MAG: variants seen among roughly 807,000 people sequenced by gnomAD.
MAG encodes myelin associated glycoprotein.
Under a neutral mutation model 60.7 loss-of-function variants are expected in MAG, and 30 were observed. That is an observed-to-expected ratio of 0.49 (90% CI 0.37 to 0.67). The LOEUF (loss-of-function observed/expected upper bound fraction) is 0.67, where lower values mean the gene tolerates loss of function less well. Among genes scored for constraint, MAG ranks in the 30% least tolerant of loss-of-function variants. The probability of loss-of-function intolerance (pLI) is 0.00; values close to 1 mark genes in which losing one functional copy is unlikely to be tolerated. For missense variants in MAG, 795 were observed against 851.7 expected (o/e 0.93, Z 0.83); for synonymous variants, 384 against 376.8 (o/e 1.02, Z -0.22).
intron 5 of MAG, 34 bp from the exon 6 acceptor site, chr19:35,300,113 C>G (rs750625239): frequency 1.3e-6 from 2 of 1,505,846 alleles, no homozygotes; most frequent in Non-Finnish European, 1.8e-6. Context: ...TCCCCAGCAC[C>G]TGCTCACTAA....
chr19:35,307,011 G>T (rs1396417199), intron 7 of MAG, among the ~76,000 whole-genome samples: 1 of 152,248 alleles, frequency 6.6e-6, no homozygotes, highest in African/African-American at 2.4e-5. Context: ...TGTCTGAAAA[G>T]ATACTAAGCA....
At chr19:35,303,506 G>C (rs879523345) in intron 7 of MAG, among the ~76,000 whole-genome samples, 7 of 152,160 alleles carry the variant, frequency 4.6e-5, no homozygotes, top group Non-Finnish European at 1.0e-4. Context: ...TTTGAGGTTT[G>C]AATCCAGGCA....
intron 7 of MAG, among the ~76,000 whole-genome samples, chr19:35,303,358 A>G (rs2066462720): frequency 6.6e-6 from 1 of 152,186 alleles, no homozygotes; most frequent in African/African-American, 2.4e-5. Context: ...AGCGCTGTAC[A>G]GCAACCCACT....
chr19:35,295,343 T>A lies in MAG; in HGVS notation c.-23-43T>A. 6.3e-7 allele frequency: 1 copy of A among 1,578,042 alleles called. No homozygotes were observed. Among genetic ancestry groups the A allele is most frequent in the South Asian group, 1.1e-5 (1 of 89,802 alleles). On this transcript the variant is annotated intron_variant, in intron 2 of 10. Coordinates refer to ENST00000392213, the MANE Select transcript of MAG (RefSeq NM_002361.4). The surrounding 1 kb of genome is among the most constrained non-coding windows in gnomAD (Gnocchi z 5.8). ...CCTGAAGCCCAGATGGAACACCCCC[T>A]TTCACTTCCCCCAGCCTTTAACCCT...
At position 35,300,398 on chromosome 19, in the gene MAG, G is replaced by A; in HGVS notation, c.964G>A (p.Val322Ile). ...GQDNRTVGLS[V>I]MYAPWKPTVN... ...GGACAACCGCACCGTGGGGCTCAGT[G>A]TCATGTGTGAGTGGCCCACTCTGTG... The change falls in exon 6 of 11, where the codon GTC (valine) becomes ATC (isoleucine). Residue 322 changes from valine to isoleucine, a missense_variant. Transcript: ENST00000392213. 1 of 1,568,514 alleles carries A rather than the reference G, an allele frequency of 6.4e-7. No homozygotes were observed. The highest frequency in any genetic ancestry group is 1.3e-5 in the African/African-American group (1 of 74,592).
At chr19:35,294,183 T>G (rs1730680355) in intron 1 of MAG, 52 bp from the exon 2 acceptor site, 1 of 389,334 alleles carries the variant, frequency 2.6e-6, no homozygotes, top group African/African-American at 2.2e-5. Context: ...GGGGGTGGGT[T>G]GGGTGCCTCA....
intron 9 of MAG, among the ~76,000 whole-genome samples, chr19:35,311,633 G>T (rs556237161): frequency 1.4e-4 from 22 of 152,212 alleles, no homozygotes; most frequent in Non-Finnish European, 2.9e-4. Context: ...GGCAAGAGGG[G>T]CAGAAAGACC....
chr19:35,310,270 C>T, intron 8 of MAG, 109 bp downstream of exon 8: 2 of 1,356,212 alleles, frequency 1.5e-6, no homozygotes, highest in Admixed American at 2.7e-5. Flanking sequence ...TGCAGATTGA[C>T]AGAAAGGTCA....
At chr19:35,296,091 T>G in intron 4 of MAG, 110 bp downstream of exon 4, 2 of 1,429,818 alleles carry the variant, frequency 1.4e-6, no homozygotes, top group Non-Finnish European at 1.9e-6. Flanking sequence ...ATGGCAGATC[T>G]GGGAGGTGCT....
At chr19:35,311,578 A>G (rs1429488532) in intron 9 of MAG, among the ~76,000 whole-genome samples, 1 of 152,188 alleles carries the variant, frequency 6.6e-6, no homozygotes, top group Admixed American at 6.5e-5. Context: ...CACACACATC[A>G]GCTGTCCTGA....
chr19:35,300,007 G>A, intron 5 of MAG, 140 bp from the exon 6 acceptor site: 1 of 1,259,676 alleles, frequency 7.9e-7, no homozygotes, highest in South Asian at 1.8e-5. Context: ...GTGGGACGGG[G>A]GCGGAACCAG....
chr19:35,312,639 CA>C, intron 10 of MAG: 2 of 482,326 alleles, frequency 4.1e-6, no homozygotes, highest in Non-Finnish European at 7.4e-6. Flanking sequence ...GGGCACGTAC[CA>C]AACCAGGTAT....
At chr19:35,309,695 A>T (rs2066510983) in intron 7 of MAG, 179 bp from the exon 8 acceptor site, 1 of 676,392 alleles carries the variant, frequency 1.5e-6, no homozygotes, top group Non-Finnish European at 2.5e-6. Flanking sequence ...GCGGGGTCGT[A>T]GTGAGGTCAA....
In MAG at chr19:35,293,275, C is replaced by CTA; in HGVS notation, c.-79-959_-79-958insAT. ...TTGTTAGCCTGGCATGCATGCTGGG[C>CTA]TGTGTGTGTGTGTGTGTGTGTGTGC... On this transcript the variant is annotated intron_variant, in intron 1 of 10. Transcript: ENST00000392213. This position sits in a 1 kb window ranked among gnomAD's most constrained non-coding sequence, Gnocchi z 4.0. 6.7e-6 allele frequency among the ~76,000 whole-genome samples: 1 copy of CTA among 149,124 alleles called. No individual in the cohort carries two copies. The highest frequency in any genetic ancestry group is 2.2e-4 in the South Asian group (1 of 4,650).
At position 35,299,992 on chromosome 19, in the gene MAG, G is replaced by A. The variant is rs1472954261; in HGVS notation, c.712+142G>A. ...CCCAGGGCCAGGCAGGGATTGGGGG[G>A]TTGGGTGGGACGGGGGCGGAACCAG... On this transcript the variant is annotated intron_variant, in intron 5 of 10. Transcript: ENST00000392213. The A allele has an allele frequency of 8.8e-6, 9 of 1,022,856 alleles. No individual in the cohort carries two copies. The South Asian group carries it at 1.7e-4, about 20-fold the overall frequency. The allele number at this position is 1,022,856 out of a possible 1,614,324, so 63.4% of individuals were successfully genotyped here.
intron 7 of MAG, among the ~76,000 whole-genome samples, chr19:35,307,549 T>A (rs756908441): frequency 1.3e-5 from 2 of 152,096 alleles, no homozygotes; most frequent in African/African-American, 2.4e-5. Flanking sequence ...TAGCCAGGCA[T>A]GGTGGCACGC....
In MAG at chr19:35,312,335, G is replaced by C. The variant is rs191806287; in HGVS notation, c.1716+318G>C. On this transcript the variant is annotated intron_variant, in intron 10 of 10. Transcript: ENST00000392213. ...CTGAGTGCCCCAGGAGGTAGGTTCC[G>C]GGGGCCTCAGTGTGCCCTCCTCTGG... 13,826 of 1,610,518 alleles carry C rather than the reference G, an allele frequency of 8.6e-3. 101 individuals are homozygous for C. The highest frequency in any genetic ancestry group is 0.024 in the South Asian group (2,181 of 91,056).
rs372083951 is a variant in MAG at position 35,296,009 on chromosome 19, C to T, written c.415+28C>T. ...GAGTCCCCAGCGGTTGTGCAGGCAC[C>T]GGGAGCTGGGGCAGCGGGGCGGGAA... On this transcript the variant is annotated intron_variant, in intron 4 of 10. Transcript: ENST00000392213. The T allele has an allele frequency of 1.8e-5, 28 of 1,531,560 alleles. No individual in the cohort carries two copies. The African/African-American group carries it at 2.8e-4, about 15-fold the overall frequency. 94.9% of individuals were successfully genotyped at this position (1,531,560 alleles called of 1,614,324 possible).
rs201779990 is a variant in MAG at position 35,302,721 on chromosome 19, C to T, written c.1231+13C>T. 5.7e-5 allele frequency: 92 copies of T among 1,611,186 alleles called. No homozygotes were observed. The highest frequency in any genetic ancestry group is 3.4e-4 in the South Asian group (31 of 91,068). On this transcript the variant is annotated intron_variant, in intron 7 of 10. Coordinates refer to ENST00000392213, the MANE Select transcript of MAG (RefSeq NM_002361.4). Reference sequence around the variant, plus strand: ...CTGTCTGTGGAGTGTGAGTACCTTCCGCTCCCCTATGCTGGGGATGGACGG... The same window carrying T: ...CTGTCTGTGGAGTGTGAGTACCTTCTGCTCCCCTATGCTGGGGATGGACGG...
Sources: allele counts gnomAD v4.1 joint callset (sites outside exome capture counted in the v4.1 genomes callset), GRCh38; gene constraint gnomAD v4.1.1; non-coding constraint Gnocchi (gnomAD v3.1); transcripts MANE v1.5; gene names NCBI Gene and HGNC (gene_info 2026-07-23, HGNC 2026-07-21).